Variants in ULK4 observed in about 807,000 individuals in gnomAD.
ULK4 encodes the protein inactive serine/threonine-protein kinase ULK4.
Under a neutral mutation model 160.6 loss-of-function variants are expected in ULK4, and 133 were observed. The observed-to-expected ratio is 0.83, with a 90% confidence interval of 0.72 to 0.96. The LOEUF (loss-of-function observed/expected upper bound fraction) is 0.96, where lower values mean the gene tolerates loss of function less well. Among genes scored for constraint, ULK4 ranks in the 40% least tolerant of loss-of-function variants. ULK4 has a pLI of 0.00. For missense variants in ULK4, 1,580 were observed against 1,499.5 expected, an observed-to-expected ratio of 1.05 and a Z score of -0.89; for synonymous variants, 534 against 539.8, an observed-to-expected ratio of 0.99 and a Z score of 0.15.
At chr3:41,826,715 C>T (rs1276578510) in intron 18 of ULK4, among the ~76,000 whole-genome samples, 2 of 150,168 alleles carry the variant, frequency 1.3e-5, no homozygotes, top group African/African-American at 5.0e-5. Flanking sequence ...TAATAGGAGA[C>T]TTTAACACCC....
intron 18 of ULK4, among the ~76,000 whole-genome samples, chr3:41,822,724 T>A (rs938029973): frequency 7.1e-6 from 1 of 140,786 alleles, no homozygotes; most frequent in Non-Finnish European, 1.5e-5. Flanking sequence ...GGGCTGAGAT[T>A]TTTTTTTTTT....
intron 31 of ULK4, among the ~76,000 whole-genome samples, chr3:41,580,895 A>G (rs945841201): frequency 1.3e-5 from 2 of 152,218 alleles, no homozygotes; most frequent in Non-Finnish European, 2.9e-5. Flanking sequence ...AATTACTCCC[A>G]GGAAAGACCA....
At chr3:41,772,386 A>G (rs1181593206) in intron 21 of ULK4, among the ~76,000 whole-genome samples, 4 of 152,076 alleles carry the variant, frequency 2.6e-5, no homozygotes, top group Non-Finnish European at 5.9e-5. Flanking sequence ...GATAAAGGGG[A>G]TATCACCACC....
intron 32 of ULK4, among the ~76,000 whole-genome samples, chr3:41,564,449 CTTTTTTTTTTTTTTT>C (rs71075476): frequency 1.2e-5 from 1 of 80,930 alleles, no homozygotes; most frequent in South Asian, 5.0e-4. Context: ...TCTTCTTCTT[CTTTTTTTTTTTTTTT>C]TTTTTTTTTT....
At chr3:41,766,057 T>A (rs920120669) in intron 21 of ULK4, among the ~76,000 whole-genome samples, 8 of 151,908 alleles carry the variant, frequency 5.3e-5, no homozygotes, top group African/African-American at 1.7e-4. Context: ...GATCACAAGG[T>A]CAGGAGTTCA....
chr3:41,948,990 A>G lies in ULK4; in HGVS notation c.138+5632T>C, dbSNP rs542995025. On this transcript the variant is annotated intron_variant, in intron 2 of 36. Transcript: ENST00000301831. ...AAAGTAAAATTAACTCTGTTTGCAA[A>G]TGATGTGATTGATTTTATATGTAGA... Among the ~76,000 whole-genome samples the G allele has an allele frequency of 7.9e-5, 12 of 152,268 alleles. No homozygotes were observed. The East Asian group carries it at 2.3e-3, about 29-fold the overall frequency.
At chr3:41,848,451 C>T (rs2042124244) in intron 17 of ULK4, among the ~76,000 whole-genome samples, 1 of 152,162 alleles carries the variant, frequency 6.6e-6, no homozygotes, top group South Asian at 2.1e-4. Context: ...TGAGGAAATA[C>T]CTTTCCTGCA....
chr3:41,848,025 C>A (rs888504051), intron 17 of ULK4, among the ~76,000 whole-genome samples: 13 of 152,166 alleles, frequency 8.5e-5, no homozygotes, highest in African/African-American at 3.1e-4. Context: ...GTGACATCTG[C>A]ACCAAAATCA....
chr3:41,823,190 C>A (rs143992226), intron 18 of ULK4, among the ~76,000 whole-genome samples: 215 of 152,182 alleles, frequency 1.4e-3, no homozygotes, highest in African/African-American at 4.9e-3. Flanking sequence ...TTTGAGCACA[C>A]AGAAAATACA....
intron 31 of ULK4, 62 bp downstream of exon 31, chr3:41,615,607 G>T: frequency 6.5e-7 from 1 of 1,538,666 alleles, no homozygotes; most frequent in South Asian, 1.2e-5. Context: ...CCTACAACAT[G>T]GTTAAAATCT....
intron 30 of ULK4, among the ~76,000 whole-genome samples, chr3:41,635,380 C>T (rs1178735290): frequency 6.6e-6 from 1 of 151,696 alleles, no homozygotes; most frequent in Non-Finnish European, 1.5e-5. Flanking sequence ...ATAGTTTTGT[C>T]CTAATTATAA....
chr3:41,945,386 G>A (rs1335522023), intron 2 of ULK4, among the ~76,000 whole-genome samples: 1 of 152,154 alleles, frequency 6.6e-6, no homozygotes, highest in East Asian at 1.9e-4. Flanking sequence ...GGGAATTGCA[G>A]TTTGTAGCTC....
intron 35 of ULK4, among the ~76,000 whole-genome samples, chr3:41,300,879 A>ATATG (rs2079781555): frequency 9.0e-6 from 1 of 111,360 alleles, no homozygotes; most frequent in Non-Finnish European, 1.8e-5. Context: ...ATATATATAT[A>ATATG]TATATATTTG....
At chr3:41,442,429 T>G (rs1431607929) in intron 34 of ULK4, among the ~76,000 whole-genome samples, 1 of 152,066 alleles carries the variant, frequency 6.6e-6, no homozygotes, top group East Asian at 1.9e-4. Flanking sequence ...CTGCAAGCAT[T>G]TCAGTGTATG....
chr3:41,264,445 G>A (rs1004906180), intron 35 of ULK4, among the ~76,000 whole-genome samples: 1 of 152,252 alleles, frequency 6.6e-6, no homozygotes, highest in East Asian at 1.9e-4. Context: ...CTTGGTGGAG[G>A]TGTGAGCCAG....
At chr3:41,935,005 TTTTA>T (rs1485601380) in intron 4 of ULK4, among the ~76,000 whole-genome samples, 4 of 145,454 alleles carry the variant, frequency 2.8e-5, no homozygotes, top group African/African-American at 1.0e-4. Flanking sequence ...ATATATTTCC[TTTTA>T]TTTATTAATT....
At position 41,891,484 on chromosome 3, in the gene ULK4, G is replaced by A. The variant is rs148522112; in HGVS notation, c.1577+4034C>T. 7.5e-5 allele frequency among the ~76,000 whole-genome samples: 11 copies of A among 146,276 alleles called. No homozygotes were observed. In the East Asian group the frequency reaches 2.2e-3, roughly 30 times the overall value. ...AACTCAAACAAGTCACACAGAAGAG[G>A]GAAAAAAAAAAAAAAGGTAAGGTTT... On this transcript the variant is annotated intron_variant, in intron 16 of 36. Transcript: ENST00000301831.
At chr3:41,465,593 T>G (rs369023603) in intron 32 of ULK4, among the ~76,000 whole-genome samples, 12 of 152,218 alleles carry the variant, frequency 7.9e-5, no homozygotes, top group African/African-American at 2.4e-4. Context: ...CAATTTTTTA[T>G]GCCACTTATT....
chr3:41,564,657 C>A (rs895583197), intron 32 of ULK4, among the ~76,000 whole-genome samples: 1 of 151,832 alleles, frequency 6.6e-6, no homozygotes, highest in African/African-American at 2.4e-5. Context: ...TGGGGTTTTA[C>A]CACGTTGGCC....
Sources: gnomAD v4.1 joint callset for allele counts (sites outside exome capture counted in the v4.1 genomes callset) on GRCh38, gnomAD v4.1.1 for gene constraint, MANE v1.5 for transcripts, NCBI Gene and HGNC (gene_info 2026-07-23, HGNC 2026-07-21) for gene names.